The following LANCL3 variants were observed in gnomAD, a reference collection of about 807,000 sequenced individuals.
LANCL3 encodes LanC like family member 3.
A neutral mutation model predicts 26.5 loss-of-function variants in LANCL3; 19 were observed. The ratio of observed to expected loss-of-function variants is 0.72; its 90% CI spans 0.50 to 1.05. LANCL3 has a LOEUF of 1.05. LANCL3 is among the 50% of genes least tolerant of loss of function. The pLI, the probability that LANCL3 is intolerant of heterozygous loss-of-function variation, is 0.00. For missense variants in LANCL3, 318 were observed against 362.7 expected, an observed-to-expected ratio of 0.88 and a Z score of 1.00; for synonymous variants, 160 against 166.6, an observed-to-expected ratio of 0.96 and a Z score of 0.30.
chrX:37,612,973 G>A (rs1924917376), intron 1 of LANCL3, among the ~76,000 whole-genome samples: 1 of 111,292 alleles, frequency 9.0e-6, no homozygotes, highest in Non-Finnish European at 1.9e-5. Context: ...GACACTCCCT[G>A]TTTCTATCAA....
At chrX:37,600,939 CCTGTGTCTCTA>C (rs1272139743) in intron 1 of LANCL3, among the ~76,000 whole-genome samples, 1 of 111,968 alleles carries the variant, frequency 8.9e-6, no homozygotes, top group Non-Finnish European at 1.9e-5. Context: ...GTGGTCATTG[CCTGTGTCTCTA>C]CTCAGTAAAA....
chrX:37,581,955 T>C (rs1366106380), intron 1 of LANCL3, among the ~76,000 whole-genome samples: 1 of 108,888 alleles, frequency 9.2e-6, no homozygotes, highest in Non-Finnish European at 1.9e-5. Context: ...CAACAGGCCC[T>C]GGTGTGTGAT....
In LANCL3 at chrX:37,610,704, A is replaced by G. The variant is rs782355959; in HGVS notation, c.573+38261A>G. ...TCACAGAGCTGAGAAGGAGACAGTC[A>G]AAAAAGAATTAAATAAGAGAAGCAG... On this transcript the variant is annotated intron_variant, in intron 1 of 4. Transcript: ENST00000378619. 3.6e-5 allele frequency among the ~76,000 whole-genome samples: 4 copies of G among 112,098 alleles called. No homozygotes were observed. In the East Asian group the frequency reaches 8.4e-4, roughly 24 times the overall value.
chrX:37,613,015 C>T (rs998743253), intron 1 of LANCL3, among the ~76,000 whole-genome samples: 9 of 111,215 alleles, frequency 8.1e-5, no homozygotes, highest in Non-Finnish European at 1.3e-4. Context: ...TTCCCATCCT[C>T]ATCTACTGTG....
intron 1 of LANCL3, among the ~76,000 whole-genome samples, chrX:37,638,662 A>G (rs782215218): frequency 8.7e-4 from 97 of 111,826 alleles, no homozygotes; most frequent in Non-Finnish European, 1.6e-3. Context: ...ACATATAGCA[A>G]AATGTACAAA....
intron 1 of LANCL3, among the ~76,000 whole-genome samples, chrX:37,634,397 G>A (rs782288803): frequency 8.8e-6 from 1 of 113,208 alleles, no homozygotes; most frequent in South Asian, 3.6e-4. Flanking sequence ...CGCTTCCTGA[G>A]TGAGGCAATG....
At chrX:37,611,526 T>C (rs188232957) in intron 1 of LANCL3, among the ~76,000 whole-genome samples, 1 of 111,730 alleles carries the variant, frequency 9.0e-6, no homozygotes, top group Non-Finnish European at 1.9e-5. Flanking sequence ...AGTGTAAAGG[T>C]TCCCTGAATG....
intron 1 of LANCL3, among the ~76,000 whole-genome samples, chrX:37,582,404 G>A (rs1923925056): frequency 8.9e-6 from 1 of 111,981 alleles, no homozygotes; most frequent in African/African-American, 3.3e-5. Context: ...CACCAACAGT[G>A]TAAAAGTGTT....
intron 1 of LANCL3, among the ~76,000 whole-genome samples, chrX:37,595,234 A>G (rs1204918366): frequency 8.9e-6 from 1 of 112,111 alleles, no homozygotes; most frequent in Non-Finnish European, 1.9e-5. Context: ...GGCAAACAGA[A>G]TATGCTCAAT....
At chrX:37,604,494 G>A (rs993952887) in intron 1 of LANCL3, among the ~76,000 whole-genome samples, 3 of 112,021 alleles carry the variant, frequency 2.7e-5, no homozygotes, top group Admixed American at 9.5e-5. Flanking sequence ...ATTATTGTTC[G>A]TATGTCTATA....
At chrX:37,638,396 G>T (rs1398926521) in intron 1 of LANCL3, among the ~76,000 whole-genome samples, 1 of 111,502 alleles carries the variant, frequency 9.0e-6, no homozygotes. Flanking sequence ...TATCAGCCTG[G>T]AGGTAATGTA....
At chrX:37,655,296 A>T (rs1926255053) in intron 1 of LANCL3, among the ~76,000 whole-genome samples, 1 of 111,944 alleles carries the variant, frequency 8.9e-6, no homozygotes, top group Admixed American at 9.4e-5. Context: ...TGTTTGGGCC[A>T]GACCTACACT....
At chrX:37,668,093 A>T (rs1357444899) in intron 4 of LANCL3, among the ~76,000 whole-genome samples, 1 of 109,081 alleles carries the variant, frequency 9.2e-6, no homozygotes, top group African/African-American at 3.3e-5. Context: ...TCTAAACTAT[A>T]ATACATATAT....
chrX:37,649,355 C>G (rs972513866), intron 1 of LANCL3, among the ~76,000 whole-genome samples: 1 of 111,112 alleles, frequency 9.0e-6, no homozygotes, highest in Non-Finnish European at 1.9e-5. Context: ...AACACAGGAA[C>G]AGAAAACCAA....
Position 37,659,601 on chromosome X carries a change from G to A in LANCL3, c.837G>A (p.Glu279=). The A allele has an allele frequency of 1.7e-6, 2 of 1,210,460 alleles. No individual in the cohort carries two copies. Among genetic ancestry groups the A allele is most frequent in the Non-Finnish European group, 2.2e-6 (2 of 895,113 alleles). ...AACAAAACTGCAACTGGCCACCTGAGCTCGGCGAGACCATCGAGAGAGAGA... is the reference window on the plus strand; with the variant it reads ...AACAAAACTGCAACTGGCCACCTGAACTCGGCGAGACCATCGAGAGAGAGA... ...EQEQNCNWPP[E]LGETIERENE... The change falls in exon 3 of 5, where the codon GAG becomes GAA. Residue 279 remains glutamate (E), a synonymous_variant. Transcript: ENST00000378619.
At chrX:37,641,373 T>C (rs1925856137) in intron 1 of LANCL3, among the ~76,000 whole-genome samples, 1 of 109,896 alleles carries the variant, frequency 9.1e-6, no homozygotes, top group Non-Finnish European at 1.9e-5. Context: ...AATCACTGAC[T>C]CAGGGCCATA....
At chrX:37,661,318 A>G (rs1381445001) in intron 3 of LANCL3, among the ~76,000 whole-genome samples, 1 of 112,097 alleles carries the variant, frequency 8.9e-6, no homozygotes, top group African/African-American at 3.2e-5. Context: ...ACTAAATACC[A>G]TCTGTCTTTG....
At chrX:37,587,886 C>T (rs1281924771) in intron 1 of LANCL3, among the ~76,000 whole-genome samples, 3 of 112,477 alleles carry the variant, frequency 2.7e-5, no homozygotes, top group Non-Finnish European at 5.6e-5. Flanking sequence ...TTCTGCATCT[C>T]TCACGCTGGG....
intron 2 of LANCL3, among the ~76,000 whole-genome samples, chrX:37,656,499 A>T (rs1341400046): frequency 8.9e-6 from 1 of 111,989 alleles, no homozygotes; most frequent in Non-Finnish European, 1.9e-5. Flanking sequence ...TGTAATAATT[A>T]TACCCAGATT....
Sources: allele counts gnomAD v4.1 joint callset (sites outside exome capture counted in the v4.1 genomes callset), GRCh38; gene constraint gnomAD v4.1.1; transcripts MANE v1.5; gene names NCBI Gene and HGNC (gene_info 2026-07-23, HGNC 2026-07-21).